RNF150: variants seen among roughly 807,000 people sequenced by gnomAD.
RNF150 encodes ring finger protein 150.
A neutral mutation model predicts 39.3 loss-of-function variants in RNF150; 24 were observed. The observed-to-expected ratio is 0.61, with a 90% CI of 0.44 to 0.86. The LOEUF is 0.86. Among genes scored for constraint, RNF150 ranks in the 40% least tolerant of loss-of-function variants. RNF150 has a pLI of 0.00. For missense variants in RNF150, 502 were observed against 587.8 expected (o/e 0.85, Z 1.51); for synonymous variants, 255 against 227.3 (o/e 1.12, Z -1.10).
chr4:141,160,112 G>T (rs1727485409), intron 1 of RNF150, among the ~76,000 whole-genome samples: 1 of 152,166 alleles, frequency 6.6e-6, no homozygotes, highest in Admixed American at 6.5e-5. Context: ...AGCTGGTTCA[G>T]CAATCTGTGT....
At chr4:141,060,116 A>T (rs1418499899) in intron 1 of RNF150, among the ~76,000 whole-genome samples, 1 of 152,200 alleles carries the variant, frequency 6.6e-6, no homozygotes, top group Admixed American at 6.5e-5. Flanking sequence ...CATCTTCATG[A>T]CTGAAAAAGG....
At position 141,061,212 on chromosome 4, in the gene RNF150, T is replaced by C. The variant is rs147232903; in HGVS notation, c.484+71113A>G. ...ATGCTTTGTATCATCTCTGATATCC[T>C]GGTACTGCATGGATGTACATTCGCA... On this transcript the variant is annotated intron_variant, in intron 1 of 6. Coordinates refer to ENST00000515673, the MANE Select transcript of RNF150 (RefSeq NM_020724.2). Among the ~76,000 whole-genome samples, 574 of 152,312 alleles carry C rather than the reference T, an allele frequency of 3.8e-3. 1 individual carries two copies. The highest frequency in any genetic ancestry group is 5.9e-3 in the Non-Finnish European group (400 of 68,012).
chr4:141,021,984 A>G (rs977666185), intron 1 of RNF150, among the ~76,000 whole-genome samples: 1 of 152,238 alleles, frequency 6.6e-6, no homozygotes, highest in African/African-American at 2.4e-5. Context: ...TAGGAGAATC[A>G]GCACTGCAAC....
intron 1 of RNF150, among the ~76,000 whole-genome samples, chr4:141,162,243 A>T (rs1484559964): frequency 2.0e-5 from 3 of 152,180 alleles, no homozygotes; most frequent in African/African-American, 7.2e-5. Context: ...TATGGAGTCA[A>T]AGGAGATTAT....
intron 1 of RNF150, among the ~76,000 whole-genome samples, chr4:141,007,085 AT>A (rs1181987469): frequency 1.3e-5 from 2 of 152,222 alleles, no homozygotes; most frequent in Admixed American, 6.5e-5. Flanking sequence ...AATGTAAAAT[AT>A]TGATTTCCAA....
intron 1 of RNF150, among the ~76,000 whole-genome samples, chr4:141,157,313 A>T (rs996958052): frequency 6.6e-6 from 1 of 152,202 alleles, no homozygotes; most frequent in Non-Finnish European, 1.5e-5. Context: ...TGCTGCACCG[A>T]AGAAGATGTC....
intron 1 of RNF150, among the ~76,000 whole-genome samples, chr4:141,067,766 G>C (rs895666000): frequency 3.3e-5 from 5 of 152,112 alleles, no homozygotes; most frequent in African/African-American, 1.2e-4. Flanking sequence ...TGAGTTCAAA[G>C]AGGATAATTT....
At chr4:141,044,462 A>C (rs1312297674) in intron 1 of RNF150, among the ~76,000 whole-genome samples, 1 of 152,210 alleles carries the variant, frequency 6.6e-6, no homozygotes, top group Non-Finnish European at 1.5e-5. Context: ...CATGTAATGC[A>C]AACATTAATA....
chr4:141,101,698 C>T (rs1339872436), intron 1 of RNF150, among the ~76,000 whole-genome samples: 1 of 152,160 alleles, frequency 6.6e-6, no homozygotes, highest in African/African-American at 2.4e-5. Context: ...ACTACAAACA[C>T]ATGAGTAATG....
intron 1 of RNF150, among the ~76,000 whole-genome samples, chr4:141,102,836 C>T (rs1049384955): frequency 6.6e-5 from 10 of 152,178 alleles, no homozygotes; most frequent in African/African-American, 2.2e-4. Flanking sequence ...GTATTAAAAG[C>T]AACTGTAGAT....
intron 1 of RNF150, among the ~76,000 whole-genome samples, chr4:141,044,691 T>C (rs1056982704): frequency 1.3e-5 from 2 of 152,056 alleles, no homozygotes; most frequent in African/African-American, 4.8e-5. Context: ...CCCCCTCAAC[T>C]AGTTCACATC....
intron 5 of RNF150, among the ~76,000 whole-genome samples, chr4:140,914,638 A>G (rs773715999): frequency 2.6e-5 from 4 of 151,990 alleles, no homozygotes; most frequent in Non-Finnish European, 5.9e-5. Flanking sequence ...CTGAAACTGT[A>G]TTCTGTCATT....
At chr4:141,082,268 G>A (rs1413417660) in intron 1 of RNF150, among the ~76,000 whole-genome samples, 2 of 152,234 alleles carry the variant, frequency 1.3e-5, no homozygotes, top group Non-Finnish European at 2.9e-5. Context: ...CATAATAACT[G>A]AGGGATTAAA....
At chr4:141,022,402 T>C (rs1735530535) in intron 1 of RNF150, among the ~76,000 whole-genome samples, 1 of 152,118 alleles carries the variant, frequency 6.6e-6, no homozygotes, top group South Asian at 2.1e-4. Flanking sequence ...AGGCAAAATA[T>C]GCAAAAGAAC....
At chr4:140,912,145 G>C (rs900477286) in intron 5 of RNF150, among the ~76,000 whole-genome samples, 1 of 152,142 alleles carries the variant, frequency 6.6e-6, no homozygotes. Context: ...AGCAGTGTTG[G>C]CGTCTATTAT....
chr4:140,905,578 AATTGTCAATGAACAG>A (rs1222275648), intron 6 of RNF150, among the ~76,000 whole-genome samples: 1 of 152,196 alleles, frequency 6.6e-6, no homozygotes, highest in East Asian at 1.9e-4. Context: ...TTGGTAAAGA[AATTGTCAATGAACAG>A]AGCGATGTCA....
chr4:141,144,513 CAGG>C (rs1160029009), intron 1 of RNF150, among the ~76,000 whole-genome samples: 2 of 152,090 alleles, frequency 1.3e-5, no homozygotes, highest in Non-Finnish European at 2.9e-5. Context: ...GAATTCTATG[CAGG>C]AGAATTGCCT....
At position 141,142,683 on chromosome 4, in the gene RNF150, T is replaced by C. The variant is rs1031984013; in HGVS notation, c.-6+70111A>G. Reference sequence around the variant, plus strand: ...CACCTTACGTAACCTCTCAGCCATATCTGATGCGGTTGACCACGGCCTCCT... The same window carrying C: ...CACCTTACGTAACCTCTCAGCCATACCTGATGCGGTTGACCACGGCCTCCT... On this transcript the variant is annotated intron_variant, in intron 1 of 7. Transcript: ENST00000420921. Among the ~76,000 whole-genome samples, 3 of 152,264 alleles carry C rather than the reference T, an allele frequency of 2.0e-5. 1 individual carries two copies. In the South Asian group the frequency reaches 6.2e-4, roughly 32 times the overall value.
Position 140,935,575 on chromosome 4 carries a change from T to C in RNF150, c.891-9502A>G, listed in dbSNP as rs539318903. Among the ~76,000 whole-genome samples, 23 of 152,308 alleles carry C rather than the reference T, an allele frequency of 1.5e-4. No individual in the cohort carries two copies. In the East Asian group the frequency reaches 4.4e-3, roughly 29 times the overall value. On this transcript the variant is annotated intron_variant, in intron 4 of 6. Coordinates refer to ENST00000515673, the MANE Select transcript of RNF150 (RefSeq NM_020724.2). ...ATCATTTACAGCACTGCCATCTCTT[T>C]CATGTTCCCTTCCTTTATTCCCTTA...
Sources: allele counts gnomAD v4.1 joint callset (sites outside exome capture counted in the v4.1 genomes callset), GRCh38; gene constraint gnomAD v4.1.1; transcripts MANE v1.5; gene names NCBI Gene and HGNC (gene_info 2026-07-23, HGNC 2026-07-21).